Variants in CD247 observed in about 807,000 individuals in gnomAD.
The protein encoded by CD247 is CD247 molecule.
CD247 carries 13 observed loss-of-function variants against 30.0 expected under a neutral mutation model. That is an observed-to-expected ratio of 0.43 (90% CI 0.28 to 0.69). The LOEUF (loss-of-function observed/expected upper bound fraction) is 0.69, where lower values mean the gene tolerates loss of function less well. CD247 is among the 30% of genes least tolerant of loss of function. CD247 has a pLI of 0.16. For synonymous variants in CD247, 72 were observed against 80.0 expected (o/e 0.90, Z 0.53); for missense variants, 193 against 212.6 (o/e 0.91, Z 0.57).
intron 1 of CD247, among the ~76,000 whole-genome samples, chr1:167,449,640 C>T (rs990179079): frequency 2.6e-5 from 4 of 152,052 alleles, no homozygotes; most frequent in African/African-American, 4.8e-5. Flanking sequence ...CAACTTTCCA[C>T]GGGCAGGTGC....
chr1:167,505,279 G>T (rs145462481), intron 1 of CD247, among the ~76,000 whole-genome samples: 4 of 152,094 alleles, frequency 2.6e-5, no homozygotes, highest in African/African-American at 9.6e-5. Flanking sequence ...TGTTGTTGTT[G>T]TTGTTGAGAT....
rs1654695388 is a variant in CD247, at chr1:167,496,472, C to G, written c.58+21936G>C. On this transcript the variant is annotated intron_variant, in intron 1 of 7. Coordinates refer to ENST00000362089, the MANE Select transcript of CD247 (RefSeq NM_198053.3). ...TTGAACCTGCCTGAGAGGGGATCTG[C>G]TTAAAAGCAGCAGCTTGTCTCCGGA... Among the ~76,000 whole-genome samples, 3 of 152,312 alleles carry G rather than the reference C, an allele frequency of 2.0e-5. No individual in the cohort carries two copies. The East Asian group carries it at 5.8e-4, about 29-fold the overall frequency.
At chr1:167,486,559 G>A (rs879528796) in intron 1 of CD247, among the ~76,000 whole-genome samples, 8 of 152,264 alleles carry the variant, frequency 5.3e-5, no homozygotes, top group Non-Finnish European at 8.8e-5. Context: ...CCTCGAGTTT[G>A]CGGATAGCAT....
chr1:167,432,309 G>A (rs1327199168), intron 7 of CD247, among the ~76,000 whole-genome samples: 1 of 152,306 alleles, frequency 6.6e-6, no homozygotes, highest in East Asian at 1.9e-4. Flanking sequence ...TGGAATGCCT[G>A]TCCCCCTGGT....
Position 167,480,573 on chromosome 1 carries a change from T to C in CD247, c.58+37835A>G, listed in dbSNP as rs142573522. Among the ~76,000 whole-genome samples, 379 of 152,334 alleles carry C rather than the reference T, an allele frequency of 2.5e-3. 2 individuals carry two copies. Among genetic ancestry groups the C allele is most frequent in the Non-Finnish European group, 4.1e-3 (276 of 68,032 alleles). ...ACCTGAAACTTCAGGCTGTGGAGCA[T>C]GTAAACAAGAGTGACTGTGGGATAT... On this transcript the variant is annotated intron_variant, in intron 1 of 7. Coordinates refer to ENST00000362089, the MANE Select transcript of CD247 (RefSeq NM_198053.3).
At chr1:167,450,929 A>G (rs1387219661) in intron 1 of CD247, among the ~76,000 whole-genome samples, 1 of 150,474 alleles carries the variant, frequency 6.6e-6, no homozygotes, top group African/African-American at 2.4e-5. Flanking sequence ...AAAAAAAAAG[A>G]AAAGAAAAGA....
intron 1 of CD247, among the ~76,000 whole-genome samples, chr1:167,472,855 A>G (rs1427542522): frequency 6.6e-6 from 1 of 152,094 alleles, no homozygotes; most frequent in Non-Finnish European, 1.5e-5. Flanking sequence ...TGGTGTCCTC[A>G]TGGCCTAGTG....
chr1:167,487,909 A>G lies in CD247; in HGVS notation c.58+30499T>C, dbSNP rs553552192. On this transcript the variant is annotated intron_variant, in intron 1 of 7. Coordinates refer to ENST00000362089, the MANE Select transcript of CD247 (RefSeq NM_198053.3). ...CCACATCTGACTAATTTATTTTTAG[A>G]ATTTTTTTTGTAGAGATGGGGGTCT... Among the ~76,000 whole-genome samples, 15 of 152,218 alleles carry G rather than the reference A, an allele frequency of 9.9e-5. No homozygotes were observed. The East Asian group carries it at 2.9e-3, about 29-fold the overall frequency.
intron 3 of CD247, 106 bp downstream of exon 3, chr1:167,439,238 T>C (rs954979284): frequency 4.2e-5 from 42 of 995,776 alleles, no homozygotes; most frequent in Admixed American, 1.7e-4. Flanking sequence ...GCAGAGGTGA[T>C]AGCTAGGGAC....
At chr1:167,458,685 CTTTCTTTTTTTTTTTTTTT>C (rs1321625989) in intron 1 of CD247, 1 of 99,098 alleles carries the variant, frequency 1.0e-5, no homozygotes, top group Non-Finnish European at 1.9e-5. Flanking sequence ...TTCTTTCTTT[CTTTCTTTTTTTTTTTTTTT>C]TTTTTTTTTT....
rs563037857 is a variant in CD247, at chr1:167,494,568, ATAAT to A, written c.58+23836_58+23839del. ...AGATGAGAAAATGGGTGGGGAGGTA[ATAAT>A]TAGTGAACAGCACCATTCAAAGCTA... On this transcript the variant is annotated intron_variant, in intron 1 of 7. Coordinates refer to ENST00000362089, the MANE Select transcript of CD247 (RefSeq NM_198053.3). The surrounding 1 kb of genome is among the most constrained non-coding windows in gnomAD (Gnocchi z 7.3). 1.1e-4 allele frequency among the ~76,000 whole-genome samples: 16 copies of A among 152,226 alleles called. No homozygotes were observed. The East Asian group carries it at 3.1e-3, about 29-fold the overall frequency.
intron 1 of CD247, among the ~76,000 whole-genome samples, chr1:167,443,929 G>A (rs1380748111): frequency 6.6e-6 from 1 of 152,216 alleles, no homozygotes; most frequent in African/African-American, 2.4e-5. Flanking sequence ...TCCATGCAGG[G>A]ATGCAGGACC....
chr1:167,462,840 C>G (rs915511343), intron 1 of CD247, among the ~76,000 whole-genome samples: 3 of 152,210 alleles, frequency 2.0e-5, no homozygotes, highest in African/African-American at 7.2e-5. Flanking sequence ...CTGATACACT[C>G]CTTCCCTCTG....
At chr1:167,452,936 G>T (rs1652425503) in intron 1 of CD247, among the ~76,000 whole-genome samples, 1 of 150,822 alleles carries the variant, frequency 6.6e-6, no homozygotes, top group South Asian at 2.1e-4. Context: ...CACATAAATA[G>T]AACAATACAA....
chr1:167,488,992 C>T (rs901724605), intron 1 of CD247, among the ~76,000 whole-genome samples: 3 of 152,108 alleles, frequency 2.0e-5, no homozygotes, highest in African/African-American at 4.8e-5. Context: ...CTTCCCTTGC[C>T]GTTTGATTCA....
chr1:167,445,166 T>C (rs927840458), intron 1 of CD247, among the ~76,000 whole-genome samples: 61 of 152,132 alleles, frequency 4.0e-4, no homozygotes, highest in African/African-American at 1.4e-3. Context: ...CCTCAAGTGA[T>C]CTGCCCGCCT....
rs571083191 is a variant in CD247 at position 167,498,703 on chromosome 1, C to T, written c.58+19705G>A. Among the ~76,000 whole-genome samples, 270 of 152,242 alleles carry T rather than the reference C, an allele frequency of 1.8e-3. 1 individual carries two copies. Among genetic ancestry groups the T allele is most frequent in the African/African-American group, 6.2e-3 (256 of 41,518 alleles). On this transcript the variant is annotated intron_variant, in intron 1 of 7. Transcript: ENST00000362089. ...GTTTCAGAGAGGTCAAGAAACCTGC[C>T]CAAGATCACGTTGCTGGGTAGTGAT...
intron 1 of CD247, among the ~76,000 whole-genome samples, chr1:167,473,326 T>C (rs1287779916): frequency 1.3e-5 from 2 of 152,158 alleles, no homozygotes; most frequent in African/African-American, 4.8e-5. Flanking sequence ...TCTGGGCCTT[T>C]CTCTCCTCCA....
At chr1:167,482,940 G>A (rs975844515) in intron 1 of CD247, among the ~76,000 whole-genome samples, 1 of 151,852 alleles carries the variant, frequency 6.6e-6, no homozygotes, top group African/African-American at 2.4e-5. Flanking sequence ...TCTCTGAGGT[G>A]CCTAATCTGA....
Sources: allele counts gnomAD v4.1 joint callset (sites outside exome capture counted in the v4.1 genomes callset), GRCh38; gene constraint gnomAD v4.1.1; non-coding constraint Gnocchi (gnomAD v3.1); transcripts MANE v1.5; gene names NCBI Gene and HGNC (gene_info 2026-07-23, HGNC 2026-07-21).